The following FARS2 variants were observed in gnomAD, a reference collection of about 807,000 sequenced individuals.
FARS2 encodes phenylalanyl-tRNA synthetase 2, mitochondrial.
A neutral mutation model predicts 46.4 loss-of-function variants in FARS2; 40 were observed. The ratio of observed to expected loss-of-function variants is 0.86; its 90% CI spans 0.67 to 1.12. FARS2 has a LOEUF of 1.12. FARS2 is among the 50% of genes most tolerant of loss of function. The pLI is 0.00. For synonymous variants in FARS2, 234 were observed against 214.9 expected, an observed-to-expected ratio of 1.09 and a Z score of -0.78; for missense variants, 513 against 567.9, an observed-to-expected ratio of 0.90 and a Z score of 0.98.
chr6:5,473,375 A>G (rs1227540575), intron 4 of FARS2, among the ~76,000 whole-genome samples: 1 of 152,020 alleles, frequency 6.6e-6, no homozygotes, highest in Non-Finnish European at 1.5e-5. Context: ...AAATACAAAA[A>G]AATTAGCCGG....
At chr6:5,299,805 A>T (rs553732413) in intron 1 of FARS2, among the ~76,000 whole-genome samples, 1 of 149,898 alleles carries the variant, frequency 6.7e-6, no homozygotes, top group South Asian at 2.1e-4. Context: ...TGTCCTTGTG[A>T]TAGTTTGCTG....
intron 1 of FARS2, among the ~76,000 whole-genome samples, chr6:5,273,542 C>T (rs1484671487): frequency 1.3e-5 from 2 of 151,770 alleles, no homozygotes; most frequent in African/African-American, 2.4e-5. Flanking sequence ...TGTTTGTGCT[C>T]ATTATATATT....
chr6:5,512,075 C>T (rs573811467), intron 4 of FARS2, among the ~76,000 whole-genome samples: 101 of 152,190 alleles, frequency 6.6e-4, no homozygotes, highest in Non-Finnish European at 1.2e-3. Flanking sequence ...TTGGCTTACC[C>T]GCCCAGTAAA....
intron 5 of FARS2, among the ~76,000 whole-genome samples, chr6:5,596,351 A>T (rs1430118341): frequency 6.6e-6 from 1 of 152,202 alleles, no homozygotes; most frequent in East Asian, 1.9e-4. Context: ...CCGTCCACAA[A>T]ATCTGGACAA....
intron 5 of FARS2, among the ~76,000 whole-genome samples, chr6:5,553,310 T>C (rs1771474064): frequency 6.6e-6 from 1 of 152,222 alleles, no homozygotes; most frequent in African/African-American, 2.4e-5. Flanking sequence ...CTATCCAAGA[T>C]GATAATACTG....
chr6:5,496,137 T>G (rs1362941310), intron 4 of FARS2, among the ~76,000 whole-genome samples: 1 of 152,174 alleles, frequency 6.6e-6, no homozygotes, highest in African/African-American at 2.4e-5. Flanking sequence ...CTTTTCTTCT[T>G]ATCTTTTTTT....
chr6:5,430,587 T>C (rs1263748239), intron 3 of FARS2, among the ~76,000 whole-genome samples: 1 of 151,668 alleles, frequency 6.6e-6, no homozygotes, highest in African/African-American at 2.4e-5. Flanking sequence ...TATTTATATA[T>C]ACTTATGGAA....
At chr6:5,341,039 T>C (rs963230876) in intron 1 of FARS2, among the ~76,000 whole-genome samples, 3 of 150,410 alleles carry the variant, frequency 2.0e-5, no homozygotes, top group African/African-American at 7.3e-5. Flanking sequence ...TCCCAGCTAC[T>C]CAGGAGGCTG....
At chr6:5,640,387 G>A (rs998735206) in intron 6 of FARS2, among the ~76,000 whole-genome samples, 14 of 152,156 alleles carry the variant, frequency 9.2e-5, no homozygotes, top group African/African-American at 2.7e-4. Flanking sequence ...TTCATATCAC[G>A]GCAAACACGG....
At chr6:5,369,279 T>C in intron 2 of FARS2, 97 bp downstream of exon 2, 1 of 1,267,342 alleles carries the variant, frequency 7.9e-7, no homozygotes. Flanking sequence ...ATAGTCATCC[T>C]TGCTTGCCTT....
chr6:5,367,550 G>GTTATAC (rs1758765735), intron 1 of FARS2, among the ~76,000 whole-genome samples: 1 of 151,856 alleles, frequency 6.6e-6, no homozygotes, highest in South Asian at 2.1e-4. Context: ...AGTTTTGCCA[G>GTTATAC]TTATACTTAG....
intron 4 of FARS2, among the ~76,000 whole-genome samples, chr6:5,466,078 T>C (rs913620300): frequency 6.6e-6 from 1 of 152,184 alleles, no homozygotes; most frequent in Non-Finnish European, 1.5e-5. Flanking sequence ...ACACAACACC[T>C]GTGTAGTTCT....
At chr6:5,537,995 A>T (rs1484006659) in intron 4 of FARS2, among the ~76,000 whole-genome samples, 1 of 152,032 alleles carries the variant, frequency 6.6e-6, no homozygotes, top group African/African-American at 2.4e-5. Context: ...ATGTTCTTGC[A>T]TGGGATGCTC....
chr6:5,520,903 C>T (rs1251395636), intron 4 of FARS2, among the ~76,000 whole-genome samples: 2 of 152,008 alleles, frequency 1.3e-5, no homozygotes, highest in Admixed American at 6.6e-5. Flanking sequence ...TGTTGGATTT[C>T]AATTGGTTGC....
At chr6:5,371,678 G>C (rs535819522) in intron 2 of FARS2, among the ~76,000 whole-genome samples, 4 of 152,162 alleles carry the variant, frequency 2.6e-5, no homozygotes, top group African/African-American at 9.6e-5. Context: ...AGTAACTTCA[G>C]ACTTTGTTGG....
intron 1 of FARS2, among the ~76,000 whole-genome samples, chr6:5,325,878 A>T (rs770590821): frequency 8.5e-5 from 13 of 152,232 alleles, no homozygotes; most frequent in Non-Finnish European, 1.6e-4. Flanking sequence ...GAATAAAAAA[A>T]TTTTAAGCAT....
At chr6:5,557,432 G>C (rs1053101662) in intron 5 of FARS2, among the ~76,000 whole-genome samples, 1 of 152,176 alleles carries the variant, frequency 6.6e-6, no homozygotes, top group Non-Finnish European at 1.5e-5. Context: ...AAGAGTGAGG[G>C]AGAGTTTTTC....
intron 2 of FARS2, among the ~76,000 whole-genome samples, chr6:5,400,740 T>G (rs929281045): frequency 2.6e-5 from 4 of 152,152 alleles, no homozygotes; most frequent in African/African-American, 7.2e-5. Context: ...ACATTTGATC[T>G]TATACTAAGA....
At chr6:5,636,026 C>T (rs1244151788) in intron 6 of FARS2, among the ~76,000 whole-genome samples, 1 of 151,924 alleles carries the variant, frequency 6.6e-6, no homozygotes, top group Non-Finnish European at 1.5e-5. Context: ...AGAATAGCAC[C>T]GCTATACTCA....
Sources: allele counts gnomAD v4.1 joint callset (sites outside exome capture counted in the v4.1 genomes callset), GRCh38; gene constraint gnomAD v4.1.1; transcripts MANE v1.5; gene names NCBI Gene and HGNC (gene_info 2026-07-23, HGNC 2026-07-21).